TENM2: variants seen among roughly 807,000 people sequenced by gnomAD.
TENM2 encodes the protein teneurin-2.
A neutral mutation model predicts 245.2 loss-of-function variants in TENM2; 52 were observed. That is an observed-to-expected ratio of 0.21 (90% CI 0.17 to 0.27). TENM2 has a LOEUF of 0.27. TENM2 is among the 10% of genes least tolerant of loss of function. TENM2 has a pLI of 1.00. For missense variants in TENM2, 3,046 were observed against 3,666.8 expected, an observed-to-expected ratio of 0.83 and a Z score of 4.37; for synonymous variants, 1,363 against 1,438.9, an observed-to-expected ratio of 0.95 and a Z score of 1.19.
intron 2 of TENM2, among the ~76,000 whole-genome samples, chr5:167,648,655 G>A (rs73803919): frequency 4.4e-4 from 67 of 152,330 alleles, no homozygotes; most frequent in African/African-American, 1.5e-3. Flanking sequence ...GCTGCAGTCG[G>A]ATGGATGTCT....
chr5:167,907,524 A>AATATATATATATATAT (rs56159044), intron 3 of TENM2, among the ~76,000 whole-genome samples: 1 of 78,226 alleles, frequency 1.3e-5, no homozygotes, highest in African/African-American at 3.5e-5. Flanking sequence ...GATCACCCTA[A>AATATATATATATATAT]ATATATATAT....
At chr5:168,111,895 CT>C (rs747925778) in intron 9 of TENM2, among the ~76,000 whole-genome samples, 6 of 152,152 alleles carry the variant, frequency 3.9e-5, no homozygotes, top group Non-Finnish European at 7.3e-5. Context: ...TATATTATTT[CT>C]GATATGTGCT....
At chr5:168,155,632 A>G (rs946415040) in intron 12 of TENM2, among the ~76,000 whole-genome samples, 11 of 152,136 alleles carry the variant, frequency 7.2e-5, no homozygotes, top group African/African-American at 2.7e-4. Context: ...CACGGAGGAC[A>G]CTTGATGAAC....
chr5:167,969,809 A>C (rs998692799), intron 4 of TENM2, among the ~76,000 whole-genome samples: 5 of 152,212 alleles, frequency 3.3e-5, no homozygotes, highest in Non-Finnish European at 4.4e-5. Context: ...GTCTCATGGA[A>C]TCCAACTAGA....
At chr5:167,313,223 A>T (rs933236208) in intron 1 of TENM2, among the ~76,000 whole-genome samples, 1 of 151,918 alleles carries the variant, frequency 6.6e-6, no homozygotes, top group Non-Finnish European at 1.5e-5. Flanking sequence ...TCTTGGCTCA[A>T]TTTTCTCTGT....
intron 2 of TENM2, among the ~76,000 whole-genome samples, chr5:167,478,951 T>G (rs997121587): frequency 5.3e-5 from 8 of 151,580 alleles, no homozygotes; most frequent in Non-Finnish European, 1.2e-4. Context: ...TTCACAATAT[T>G]GCAAAATAAG....
intron 1 of TENM2, among the ~76,000 whole-genome samples, chr5:167,369,402 G>A (rs1760266669): frequency 6.6e-6 from 1 of 152,056 alleles, no homozygotes; most frequent in Non-Finnish European, 1.5e-5. Context: ...CTTGTTAACT[G>A]ACTTAATTCT....
At chr5:167,015,862 G>T in the TENM2 span, among the ~76,000 whole-genome samples, 1 of 152,076 alleles carries the variant, frequency 6.6e-6, no homozygotes, top group South Asian at 2.1e-4. Context: ...ACCAAAGACA[G>T]TTATTTATCT....
the TENM2 span, among the ~76,000 whole-genome samples, chr5:167,106,801 A>G: frequency 6.6e-6 from 1 of 152,144 alleles, no homozygotes; most frequent in South Asian, 2.1e-4. Flanking sequence ...GAAGGATTCA[A>G]AAGACATTTC....
intron 2 of TENM2, among the ~76,000 whole-genome samples, chr5:167,420,817 C>A (rs536542280): frequency 7.9e-5 from 12 of 152,230 alleles, no homozygotes; most frequent in African/African-American, 2.9e-4. Context: ...AATATTAGTT[C>A]CAGAGTGGCA....
chr5:168,104,270 C>T (rs1248301072), intron 9 of TENM2, among the ~76,000 whole-genome samples: 1 of 152,126 alleles, frequency 6.6e-6, no homozygotes, highest in Non-Finnish European at 1.5e-5. Flanking sequence ...CTCAAGTGAT[C>T]CACCTGCCTC....
chr5:168,055,801 T>A (rs1047907391), intron 6 of TENM2, among the ~76,000 whole-genome samples: 1 of 152,120 alleles, frequency 6.6e-6, no homozygotes, highest in Admixed American at 6.5e-5. Context: ...AAAATACAGA[T>A]GAGTAGACAG....
intron 25 of TENM2, among the ~76,000 whole-genome samples, chr5:168,232,659 G>A (rs115972266): frequency 8.7e-4 from 132 of 152,318 alleles, no homozygotes; most frequent in Middle Eastern, 3.4e-3. Flanking sequence ...CATTCCTGGA[G>A]TTTAGAGAAG....
At chr5:168,201,536 A>G (rs1432587238) in intron 17 of TENM2, among the ~76,000 whole-genome samples, 3 of 152,056 alleles carry the variant, frequency 2.0e-5, no homozygotes, top group Non-Finnish European at 4.4e-5. Flanking sequence ...CCTAGACGTC[A>G]CATCATTTCA....
chr5:167,490,925 G>A (rs1387015791), intron 2 of TENM2, among the ~76,000 whole-genome samples: 4 of 152,120 alleles, frequency 2.6e-5, no homozygotes, highest in African/African-American at 4.8e-5. Flanking sequence ...ACAACTCTAC[G>A]TTTCTCAGCT....
At position 167,422,768 on chromosome 5, in the gene TENM2, A is replaced by T. The variant is rs1004978147; in HGVS notation, c.502+47295A>T. On this transcript the variant is annotated intron_variant, in intron 2 of 28. Coordinates refer to ENST00000518659, the Ensembl canonical transcript of TENM2. ...TCCCAATGCCTCCACGTGAATCCTG[A>T]TGCCAGAGCTGCAAGGAGCATACAC... Among the ~76,000 whole-genome samples the T allele has an allele frequency of 3.3e-5, 5 of 152,142 alleles. No homozygotes were observed. In the East Asian group the frequency reaches 9.7e-4, roughly 29 times the overall value.
chr5:168,055,075 C>A (rs1196782783), intron 6 of TENM2, among the ~76,000 whole-genome samples: 3 of 152,186 alleles, frequency 2.0e-5, no homozygotes, highest in East Asian at 3.9e-4. Flanking sequence ...TTGCCTAGAA[C>A]CCAAGGATAC....
At chr5:167,120,405 G>T in the TENM2 span, among the ~76,000 whole-genome samples, 2 of 152,148 alleles carry the variant, frequency 1.3e-5, no homozygotes, top group Admixed American at 6.5e-5. Flanking sequence ...GGGGAAGTGG[G>T]AATTAATATG....
At chr5:167,070,363 T>A in the TENM2 span, among the ~76,000 whole-genome samples, 1 of 147,294 alleles carries the variant, frequency 6.8e-6, no homozygotes, top group Non-Finnish European at 1.5e-5. Flanking sequence ...TCTCCTGACC[T>A]CATGATCCCC....
Sources: allele counts gnomAD v4.1 joint callset (sites outside exome capture counted in the v4.1 genomes callset), GRCh38; gene constraint gnomAD v4.1.1; transcripts MANE v1.5; gene names NCBI Gene and HGNC (gene_info 2026-07-23, HGNC 2026-07-21).